SLC12A9: variants seen among roughly 807,000 people sequenced by gnomAD.
SLC12A9 encodes solute carrier family 12 member 9, also known as CCC-interacting protein 1.
Under a neutral mutation model 66.0 loss-of-function variants are expected in SLC12A9, and 55 were observed. The ratio of observed to expected loss-of-function variants is 0.83; its 90% confidence interval spans 0.67 to 1.04. The LOEUF (loss-of-function observed/expected upper bound fraction) is 1.04, where lower values mean the gene tolerates loss of function less well. SLC12A9 is among the 50% of genes least tolerant of loss of function. The pLI is 0.00. For synonymous variants in SLC12A9, 577 were observed against 569.0 expected, an observed-to-expected ratio of 1.01 and a Z score of -0.20; for missense variants, 1,061 against 1,241.9, an observed-to-expected ratio of 0.85 and a Z score of 2.19.
At chr7:100,850,265 T>C (rs557321253), upstream of SLC12A9, among the ~76,000 whole-genome samples, 235 of 143,888 alleles carry the variant, frequency 1.6e-3, 1 homozygote, top group African/African-American at 5.6e-3. Context: ...CTTTCTTTTT[T>C]TTTTTTTTTA....
chr7:100,862,861 C>T lies in SLC12A9; in HGVS notation c.1858+34C>T, dbSNP rs139588025. 8.4e-3 allele frequency: 13,505 copies of T among 1,611,680 alleles called. 126 individuals are homozygous for T. The highest frequency in any genetic ancestry group is 0.057 in the Middle Eastern group (330 of 5,756). On this transcript the variant is annotated intron_variant, in intron 13 of 13. Coordinates refer to ENST00000354161, the MANE Select transcript of SLC12A9 (RefSeq NM_020246.4). ...CTTCTCCCTGGATGCCCTCGGCCTT[C>T]CTCTGTGGCCACTTCAAATCTCCGC... is the stretch of plus-strand genomic sequence containing the variant.
chr7:100,847,333 A>G (rs975129083), intron 1 of SLC12A9, among the ~76,000 whole-genome samples: 26 of 152,350 alleles, frequency 1.7e-4, no homozygotes, highest in Middle Eastern at 3.4e-3. Flanking sequence ...TCAAGGCATC[A>G]GGCATACAGC....
intron 1 of SLC12A9, chr7:100,827,086 C>G (rs961958871): frequency 2.3e-4 from 348 of 1,537,150 alleles, no homozygotes; most frequent in Non-Finnish European, 3.0e-4. Flanking sequence ...CTCGCCCCCC[C>G]AGGTCTGACT....
chr7:100,859,837 T>C (rs761347984), intron 7 of SLC12A9, 48 bp from the exon 8 acceptor site: 3 of 1,560,294 alleles, frequency 1.9e-6, no homozygotes, highest in Non-Finnish European at 2.6e-6. Context: ...GAGATTTTCT[T>C]ACCCCGTGAC....
upstream of SLC12A9, among the ~76,000 whole-genome samples, chr7:100,851,044 A>G (rs1393299254): frequency 6.6e-6 from 1 of 150,868 alleles, no homozygotes; most frequent in African/African-American, 2.4e-5. Context: ...TTTTGTAGAG[A>G]TGAGGTCCCA....
chr7:100,864,167 C>T (rs1298880166), intron 13 of SLC12A9, among the ~76,000 whole-genome samples: 1 of 150,466 alleles, frequency 6.6e-6, no homozygotes, highest in Non-Finnish European at 1.5e-5. Context: ...CAACCTCTGC[C>T]TCCCGGGTTC....
At chr7:100,848,585 G>T (rs558939554), upstream of SLC12A9, among the ~76,000 whole-genome samples, 16 of 152,102 alleles carry the variant, frequency 1.1e-4, no homozygotes, top group Admixed American at 9.2e-4. Context: ...TGAAGGGACT[G>T]GGTATAAATG....
At chr7:100,846,417 A>T (rs1813916443) in intron 1 of SLC12A9, among the ~76,000 whole-genome samples, 1 of 152,018 alleles carries the variant, frequency 6.6e-6, no homozygotes, top group Non-Finnish European at 1.5e-5. Flanking sequence ...ATACAAAAAA[A>T]TGAGCCGGGC....
chr7:100,862,971 A>T (rs1023783393), intron 13 of SLC12A9, 144 bp downstream of exon 13: 1 of 997,556 alleles, frequency 1.0e-6, no homozygotes, highest in African/African-American at 1.6e-5. Flanking sequence ...GCTCAAAGAT[A>T]ATAGCCTCAG....
rs1450331254 is a variant in SLC12A9 at position 100,861,775 on chromosome 7, T to G, written c.1575T>G (p.Asp525Glu). The G allele has an allele frequency of 6.2e-7, 1 of 1,614,014 alleles. No homozygotes were observed. Among genetic ancestry groups the G allele is most frequent in the Admixed American group, 1.7e-5 (1 of 60,010 alleles). The change falls in exon 12 of 14, where the codon GAT becomes GAG. Residue 525 changes from aspartate (D) to glutamate (E), a missense_variant. Transcript: ENST00000354161. The surrounding 1 kb of genome is among the most constrained non-coding windows in gnomAD (Gnocchi z 5.3). ...TGCTTCGGCTGGACGTCCGGAAGGA[T>G]CACGTGAAGTTCTGGCGGCCCCAGC... Reference protein sequence around the residue: ...KYLLRLDVRKDHVKFWRPQLL... With the variant: ...KYLLRLDVRKEHVKFWRPQLL...
chr7:100,850,690 T>C (rs975579698), upstream of SLC12A9, among the ~76,000 whole-genome samples: 2 of 151,748 alleles, frequency 1.3e-5, no homozygotes, highest in African/African-American at 4.8e-5. Context: ...TGCACCACCA[T>C]GCCTGGTTAA....
chr7:100,827,501 A>T (rs889044710), intron 1 of SLC12A9: 15 of 147,908 alleles, frequency 1.0e-4, no homozygotes, highest in African/African-American at 3.5e-4. Flanking sequence ...CGGGCCGGGC[A>T]GGGGCTGAGC....
chr7:100,856,792 G>T (rs1814411498), intron 4 of SLC12A9, 76 bp from the exon 5 acceptor site: 1 of 1,409,294 alleles, frequency 7.1e-7, no homozygotes, highest in Admixed American at 2.2e-5. Flanking sequence ...AATTATAGAT[G>T]TGAGCCGCCC....
Position 100,862,663 on chromosome 7 carries a change from T to G in SLC12A9, c.1712-18T>G. The G allele has an allele frequency of 6.2e-7, 1 of 1,612,904 alleles. No homozygotes were observed. Among genetic ancestry groups the G allele is most frequent in the Non-Finnish European group, 8.5e-7 (1 of 1,179,012 alleles). ...TTGGACAACACTGGCTACCTTCCTT[T>G]CCTTATCTTCTCTGTAGACTCCCTG... On this transcript the variant is annotated intron_variant, in intron 12 of 13. Coordinates refer to ENST00000354161, the MANE Select transcript of SLC12A9 (RefSeq NM_020246.4).
chr7:100,859,779 C>G (rs1001677928), intron 7 of SLC12A9, 106 bp from the exon 8 acceptor site: 1 of 1,324,060 alleles, frequency 7.6e-7, no homozygotes, highest in African/African-American at 1.5e-5. Flanking sequence ...CCAGGCATAT[C>G]CCTTTAGCAC....
intron 1 of SLC12A9, among the ~76,000 whole-genome samples, chr7:100,828,653 G>C (rs1245687993): frequency 6.6e-6 from 1 of 152,066 alleles, no homozygotes; most frequent in Non-Finnish European, 1.5e-5. Context: ...CGTGTTTTGG[G>C]GGGGCTTCCC....
At chr7:100,839,194 G>A (rs528248802) in intron 1 of SLC12A9, among the ~76,000 whole-genome samples, 210 of 152,164 alleles carry the variant, frequency 1.4e-3, no homozygotes, top group Admixed American at 2.6e-3. Context: ...GCATGGTGGC[G>A]GGCGCCTGTA....
At chr7:100,859,437 C>T (rs117751264) in intron 7 of SLC12A9, 18,220 of 448,720 alleles carry the variant, frequency 0.041, 543 homozygotes, top group Middle Eastern at 0.1. Context: ...GTATGACAGC[C>T]GGGTGCGGTG....
At position 100,862,775 on chromosome 7, in the gene SLC12A9, C is replaced by G; in HGVS notation, c.1806C>G (p.Leu602=). ...TGAAGGCTTTTGTGGATCTAACCCT[C>G]TCACCCTCCGTGCGCCAGGGGGCTC... is the stretch of plus-strand genomic sequence containing the variant. ...AQVKAFVDLT[L]SPSVRQGAQH... is the part of the protein sequence containing the mutation. The change falls in exon 13 of 14, where the codon CTC becomes CTG. Residue 602 remains leucine, a synonymous_variant. Transcript: ENST00000354161. The G allele has an allele frequency of 6.2e-7, 1 of 1,614,202 alleles. No individual in the cohort carries two copies. Among genetic ancestry groups the G allele is most frequent in the Non-Finnish European group, 8.5e-7 (1 of 1,180,036 alleles).
Sources: gnomAD v4.1 joint callset for allele counts (sites outside exome capture counted in the v4.1 genomes callset) on GRCh38, gnomAD v4.1.1 for gene constraint, Gnocchi (gnomAD v3.1) non-coding constraint, MANE v1.5 for transcripts, NCBI Gene and HGNC (gene_info 2026-07-23, HGNC 2026-07-21) for gene names.